The following ADD1 variants were observed in gnomAD, a reference collection of about 807,000 sequenced individuals.
ADD1 encodes alpha-adducin.
In ADD1, 24 loss-of-function variants were observed where a neutral mutation model predicts 80.5. That is an observed-to-expected ratio of 0.30 (90% CI 0.22 to 0.42). ADD1 has a LOEUF of 0.42. ADD1 is among the 10% of genes least tolerant of loss of function. ADD1 has a pLI of 1.00. For missense variants in ADD1, 948 were observed against 1,019.0 expected (o/e 0.93, Z 0.95); for synonymous variants, 373 against 393.8 (o/e 0.95, Z 0.63).
chr4:2,888,397 T>C (rs1041371545), intron 4 of ADD1, among the ~76,000 whole-genome samples: 4 of 133,628 alleles, frequency 3.0e-5, no homozygotes, highest in African/African-American at 1.1e-4. Context: ...TTTGTAATAA[T>C]GAAATTATTA....
chr4:2,870,028 T>C (rs1296049429), intron 1 of ADD1, among the ~76,000 whole-genome samples: 1 of 152,246 alleles, frequency 6.6e-6, no homozygotes, highest in Non-Finnish European at 1.5e-5. Flanking sequence ...TTAATGGCTC[T>C]CTTCTTCCTA....
At chr4:2,886,216 C>G (rs947573648) in intron 4 of ADD1, among the ~76,000 whole-genome samples, 5 of 152,192 alleles carry the variant, frequency 3.3e-5, no homozygotes. Context: ...CCTCCATACT[C>G]ACACACACAT....
chr4:2,851,314 A>G (rs1727041764), intron 1 of ADD1, among the ~76,000 whole-genome samples: 2 of 152,190 alleles, frequency 1.3e-5, no homozygotes, highest in Admixed American at 6.5e-5. Context: ...GAGTAATAAT[A>G]ATAACAGTCA....
chr4:2,925,989 C>G (rs757583651), intron 14 of ADD1, 25 bp from the exon 15 acceptor site: 1 of 1,608,102 alleles, frequency 6.2e-7, no homozygotes, highest in Non-Finnish European at 8.5e-7. Flanking sequence ...ACAGCTCCTA[C>G]CATATCCTTC....
intron 4 of ADD1, among the ~76,000 whole-genome samples, chr4:2,888,340 A>C (rs1733730269): frequency 6.6e-6 from 1 of 151,514 alleles, no homozygotes; most frequent in African/African-American, 2.4e-5. Flanking sequence ...CGGCCTCCCA[A>C]AGTGCTGGGA....
chr4:2,916,282 G>A (rs1217998217), intron 14 of ADD1, among the ~76,000 whole-genome samples: 3 of 151,532 alleles, frequency 2.0e-5, no homozygotes, highest in African/African-American at 7.3e-5. Context: ...TGCAATCTCC[G>A]CCTCCTGGGT....
At chr4:2,883,271 G>A (rs1220300353) in intron 3 of ADD1, among the ~76,000 whole-genome samples, 2 of 151,802 alleles carry the variant, frequency 1.3e-5, no homozygotes, top group East Asian at 1.9e-4. Flanking sequence ...ATCCCTTTCC[G>A]AAATAATAAG....
intron 1 of ADD1, among the ~76,000 whole-genome samples, chr4:2,866,468 G>A (rs1168416181): frequency 6.6e-6 from 1 of 151,388 alleles, no homozygotes; most frequent in Non-Finnish European, 1.5e-5. Context: ...CAGCCTCTGT[G>A]CCTGGCCTGG....
chr4:2,918,719 A>C (rs990215095), intron 14 of ADD1, among the ~76,000 whole-genome samples: 2 of 152,148 alleles, frequency 1.3e-5, no homozygotes, highest in African/African-American at 2.4e-5. Context: ...AGTTTTTAGC[A>C]TGAAGGGGTG....
chr4:2,899,232 A>T (rs1385630644), intron 8 of ADD1, 27 bp from the exon 9 acceptor site: 1 of 1,587,414 alleles, frequency 6.3e-7, no homozygotes, highest in Admixed American at 1.8e-5. Flanking sequence ...AAGGAACTCA[A>T]GCCATGCTGT....
chr4:2,928,771 G>C lies in ADD1; in HGVS notation c.*248G>C, dbSNP rs1712462705. On this transcript the variant is annotated 3_prime_UTR_variant, in exon 16 of 16. Transcript: ENST00000683351. ...GGGGAGACATGCTCTCCCCACAGGG[G>C]GGAGGCACTAAGTCATGGTCCTGGC... is the stretch of plus-strand genomic sequence containing the variant. 6.0e-6 allele frequency: 3 copies of C among 501,926 alleles called. No homozygotes were observed. Among genetic ancestry groups the C allele is most frequent in the Non-Finnish European group, 1.0e-5 (3 of 287,620 alleles). The allele number at this position is 501,926 out of a possible 1,614,324, so 31.1% of individuals were successfully genotyped here. A position where few individuals can be genotyped will look rare whatever the true frequency, so the allele number is the denominator to read the frequency against.
At chr4:2,866,019 A>G (rs921882347) in intron 1 of ADD1, among the ~76,000 whole-genome samples, 2 of 152,212 alleles carry the variant, frequency 1.3e-5, no homozygotes, top group Non-Finnish European at 2.9e-5. Flanking sequence ...TATTTGCTCA[A>G]TTGCGAGATA....
At chr4:2,885,948 T>A (rs1461125316) in intron 4 of ADD1, among the ~76,000 whole-genome samples, 1 of 152,184 alleles carries the variant, frequency 6.6e-6, no homozygotes, top group Non-Finnish European at 1.5e-5. Context: ...ATTGCCAGGG[T>A]TCTTCTGTTC....
rs770818170 is a variant in ADD1 at position 2,876,112 on chromosome 4, TGAGAA to T, written c.195+9_195+13del. ...GTGTCCATGATTCTGCAAAGCCCTGTGAGAAGAGAAGTCTTTTCTCTGACCAGATG... is the reference window on the plus strand; with the variant it reads ...GTGTCCATGATTCTGCAAAGCCCTGTGAGAAGTCTTTTCTCTGACCAGATG... On this transcript the variant is annotated splice_donor_5th_base_variant and intron_variant, in intron 2 of 15. Transcript: ENST00000683351. 1.2e-6 allele frequency: 2 copies of T among 1,610,458 alleles called. No individual in the cohort carries two copies. The highest frequency in any genetic ancestry group is 2.7e-5 in the African/African-American group (2 of 74,848).
intron 1 of ADD1, among the ~76,000 whole-genome samples, chr4:2,875,521 T>C (rs1339955290): frequency 6.6e-6 from 1 of 152,250 alleles, no homozygotes; most frequent in East Asian, 1.9e-4. Context: ...TGGAATAAAC[T>C]GTGCTGTTCT....
At chr4:2,892,851 CA>C (rs201382397) in intron 4 of ADD1, among the ~76,000 whole-genome samples, 67 of 142,838 alleles carry the variant, frequency 4.7e-4, no homozygotes, top group Admixed American at 2.3e-3. Flanking sequence ...AAATAAAAAA[CA>C]AAAAAAAAAA....
At chr4:2,872,169 G>T (rs1309056954) in intron 1 of ADD1, among the ~76,000 whole-genome samples, 1 of 152,174 alleles carries the variant, frequency 6.6e-6, no homozygotes, top group Non-Finnish European at 1.5e-5. Flanking sequence ...TGTCACTTGG[G>T]CAGGCCATAC....
rs547661228 is a variant in ADD1, at chr4:2,914,706, A to T, written c.1792-178A>T. On this transcript the variant is annotated intron_variant, in intron 13 of 15. Transcript: ENST00000683351. ...CATCGTGGCACTGACCTGTGTTTCC[A>T]TTATATACCACTGAAGGCTGCAGCT... 12 of 625,724 alleles carry T rather than the reference A, an allele frequency of 1.9e-5. No individual in the cohort carries two copies. The South Asian group carries it at 2.2e-4, about 12-fold the overall frequency. 38.8% of individuals were successfully genotyped at this position (625,724 alleles called of 1,614,324 possible).
intron 6 of ADD1, 70 bp downstream of exon 6, chr4:2,894,801 G>A: frequency 6.7e-7 from 1 of 1,482,700 alleles, no homozygotes; most frequent in Non-Finnish European, 9.0e-7. Context: ...CGTTTCCTCT[G>A]AATTGCCCTT....
Sources: allele counts gnomAD v4.1 joint callset (sites outside exome capture counted in the v4.1 genomes callset), GRCh38; gene constraint gnomAD v4.1.1; transcripts MANE v1.5; gene names NCBI Gene and HGNC (gene_info 2026-07-23, HGNC 2026-07-21).